KLHL29: variants seen among roughly 807,000 people sequenced by gnomAD.
KLHL29 encodes the protein kelch-like protein 29.
KLHL29 carries 21 observed loss-of-function variants against 80.4 expected under a neutral mutation model. That is an observed-to-expected ratio of 0.26 (90% CI 0.19 to 0.38). KLHL29 has a LOEUF of 0.38. KLHL29 is among the 10% of genes least tolerant of loss of function. The probability of loss-of-function intolerance (pLI) is 1.00; values close to 1 mark genes in which losing one functional copy is unlikely to be tolerated. For missense variants in KLHL29, 867 were observed against 1,223.9 expected (o/e 0.71, Z 4.35); for synonymous variants, 511 against 526.8 (o/e 0.97, Z 0.41).
intron 1 of KLHL29, among the ~76,000 whole-genome samples, chr2:23,450,812 C>A (rs1224470447): frequency 6.6e-6 from 1 of 152,200 alleles, no homozygotes; most frequent in Non-Finnish European, 1.5e-5. Context: ...AATATAGTCA[C>A]AGATATGTGC....
chr2:23,450,512 G>A (rs182838826), intron 1 of KLHL29, among the ~76,000 whole-genome samples: 4 of 152,098 alleles, frequency 2.6e-5, no homozygotes, highest in Admixed American at 1.3e-4. Context: ...AGAACATTAG[G>A]GGCTGCCCCC....
At chr2:23,616,626 G>A (rs1669013038) in intron 3 of KLHL29, 1 of 152,224 alleles carries the variant, frequency 6.6e-6, no homozygotes, top group South Asian at 2.1e-4. Flanking sequence ...CCGATTCCTT[G>A]CCAGAACCTG....
chr2:23,610,550 T>C (rs1668833647), intron 3 of KLHL29, among the ~76,000 whole-genome samples: 1 of 152,260 alleles, frequency 6.6e-6, no homozygotes, highest in Non-Finnish European at 1.5e-5. Context: ...GTCTGCATTT[T>C]CACTGTGGGA....
chr2:23,562,321 G>T lies in KLHL29; in HGVS notation c.125G>T (p.Gly42Val), dbSNP rs1416175987. 1.9e-6 allele frequency: 3 copies of T among 1,544,510 alleles called. No individual in the cohort carries two copies. The highest frequency in any genetic ancestry group is 3.9e-5 in the Admixed American group (2 of 50,824). ...ICSVTSGAGG[G>V]TASSLSVRPG... ...AGTGTCACCTCGGGGGCCGGTGGCG[G>T]CACAGCCAGCAGCCTCAGCGTCCGG... The change falls in exon 3 of 14, where the codon GGC becomes GTC. Residue 42 changes from glycine to valine, a missense_variant. Gly to Val is a moderately radical substitution (Grantham distance 109, BLOSUM62 -3). Coordinates refer to ENST00000486442, the MANE Select transcript of KLHL29 (RefSeq NM_052920.2). This position sits in a 1 kb window ranked among gnomAD's most constrained non-coding sequence, Gnocchi z 4.5.
chr2:23,589,002 G>T (rs1668186730), intron 3 of KLHL29, among the ~76,000 whole-genome samples: 1 of 152,228 alleles, frequency 6.6e-6, no homozygotes, highest in Admixed American at 6.5e-5. Context: ...CATAGCTCTT[G>T]GTTTATGTGT....
intron 2 of KLHL29, among the ~76,000 whole-genome samples, chr2:23,537,867 G>A (rs1197219783): frequency 6.6e-6 from 1 of 152,280 alleles, no homozygotes; most frequent in Middle Eastern, 3.4e-3. Flanking sequence ...TAGAGGCTTT[G>A]GAATGTGTCC....
At position 23,625,698 on chromosome 2, in the gene KLHL29, C is replaced by T. The variant is rs79349066; in HGVS notation, c.286-13441C>T. ...CTGAACGCCCACTTTGTGCAGGCTG[C>T]GTGGATCTTATGGACTGAATTGTGC... On this transcript the variant is annotated intron_variant, in intron 3 of 13. Transcript: ENST00000486442. 5.4e-3 allele frequency among the ~76,000 whole-genome samples: 828 copies of T among 152,284 alleles called. 6 individuals are homozygous for T. Among genetic ancestry groups the T allele is most frequent in the African/African-American group, 0.019 (794 of 41,556 alleles).
At chr2:23,603,910 G>A (rs976656048) in intron 3 of KLHL29, among the ~76,000 whole-genome samples, 2 of 152,248 alleles carry the variant, frequency 1.3e-5, no homozygotes, top group Non-Finnish European at 2.9e-5. Context: ...GTCTCCTCCA[G>A]AGGGACTGTG....
chr2:23,623,721 A>G (rs571527419), intron 3 of KLHL29, among the ~76,000 whole-genome samples: 54 of 152,312 alleles, frequency 3.5e-4, no homozygotes, highest in Admixed American at 3.4e-3. Context: ...TTATGTAAGT[A>G]GGTGAGTGGA....
At chr2:23,495,281 G>C (rs551878477) in intron 2 of KLHL29, among the ~76,000 whole-genome samples, 32 of 152,144 alleles carry the variant, frequency 2.1e-4, no homozygotes, top group Non-Finnish European at 4.1e-4. Flanking sequence ...TCTGTGGGCT[G>C]TCAGGCAGGT....
intron 1 of KLHL29, among the ~76,000 whole-genome samples, chr2:23,388,042 T>G (rs2103379957): frequency 6.6e-6 from 1 of 152,286 alleles, no homozygotes. Context: ...TACCTAGAGT[T>G]TTACTGAAAT....
intron 1 of KLHL29, among the ~76,000 whole-genome samples, chr2:23,455,003 G>C (rs1664005376): frequency 7.3e-6 from 1 of 136,624 alleles, no homozygotes; most frequent in Non-Finnish European, 1.5e-5. Context: ...CAGTGGGTTG[G>C]GGGGGGGGCA....
chr2:23,408,182 T>C (rs1447048945), intron 1 of KLHL29, among the ~76,000 whole-genome samples: 1 of 149,246 alleles, frequency 6.7e-6, no homozygotes, highest in Non-Finnish European at 1.5e-5. Flanking sequence ...ATCTTCATTA[T>C]TATTATTTCC....
chr2:23,549,985 C>G (rs900777605), intron 2 of KLHL29, among the ~76,000 whole-genome samples: 1 of 152,128 alleles, frequency 6.6e-6, no homozygotes, highest in Non-Finnish European at 1.5e-5. Context: ...GGGAGCTGGG[C>G]CACCCTGGGG....
At position 23,488,259 on chromosome 2, in the gene KLHL29, C is replaced by G. The variant is rs146929570; in HGVS notation, c.-46+12592C>G. 6.7e-3 allele frequency among the ~76,000 whole-genome samples: 1,021 copies of G among 152,354 alleles called. 7 individuals are homozygous for G. Among genetic ancestry groups the G allele is most frequent in the Non-Finnish European group, 0.011 (770 of 68,030 alleles). On this transcript the variant is annotated intron_variant, in intron 2 of 13. Transcript: ENST00000486442. The stretch of plus-strand genomic sequence containing the variant: ...GCCCCTGGCCTTTTGCTGACAATCT[C>G]CACCTGCTATTCAGCATGGGGCTGA...
At chr2:23,492,515 A>G (rs1342325473) in intron 2 of KLHL29, among the ~76,000 whole-genome samples, 1 of 152,172 alleles carries the variant, frequency 6.6e-6, no homozygotes. Context: ...CTACTCTTCC[A>G]TTGGCTGGCA....
chr2:23,401,639 CA>C (rs1445029517), intron 1 of KLHL29, among the ~76,000 whole-genome samples: 3 of 152,216 alleles, frequency 2.0e-5, no homozygotes, highest in Non-Finnish European at 2.9e-5. Context: ...CATGTAGGCA[CA>C]GGAGACCTGG....
intron 3 of KLHL29, among the ~76,000 whole-genome samples, chr2:23,599,414 A>C: frequency 6.6e-6 from 1 of 152,128 alleles, no homozygotes; most frequent in Non-Finnish European, 1.5e-5. Flanking sequence ...CTGTTTAGTT[A>C]TATTTTCAAC....
At position 23,402,129 on chromosome 2, in the gene KLHL29, G is replaced by A. The variant is rs537354443; in HGVS notation, c.-154+16349G>A. ...GAACTGGAATCCCAGCAGCCCAGAC[G>A]TGGGAAGAGCATCGAGGACCGGCAG... On this transcript the variant is annotated intron_variant, in intron 1 of 13. Coordinates refer to ENST00000486442, the MANE Select transcript of KLHL29 (RefSeq NM_052920.2). Among the ~76,000 whole-genome samples the A allele has an allele frequency of 3.3e-5, 5 of 152,322 alleles. No individual in the cohort carries two copies. The South Asian group carries it at 6.2e-4, about 19-fold the overall frequency.
Sources: gnomAD v4.1 joint callset for allele counts (sites outside exome capture counted in the v4.1 genomes callset) on GRCh38, gnomAD v4.1.1 for gene constraint, Gnocchi (gnomAD v3.1) non-coding constraint, MANE v1.5 for transcripts, NCBI Gene and HGNC (gene_info 2026-07-23, HGNC 2026-07-21) for gene names.